Variants in SLC10A7 observed in about 807,000 individuals in gnomAD.
SLC10A7 encodes the protein sodium/bile acid cotransporter 7.
Under a neutral mutation model 43.2 loss-of-function variants are expected in SLC10A7, and 29 were observed. That is an observed-to-expected ratio of 0.67 (90% CI 0.50 to 0.92). The LOEUF is 0.92. SLC10A7 is among the 40% of genes least tolerant of loss of function. SLC10A7 has a pLI of 0.00. For missense variants in SLC10A7, 295 were observed against 403.2 expected (o/e 0.73, Z 2.30); for synonymous variants, 152 against 144.8 (o/e 1.05, Z -0.35).
At chr4:146,372,138 T>C (rs182274239) in intron 5 of SLC10A7, among the ~76,000 whole-genome samples, 11 of 152,280 alleles carry the variant, frequency 7.2e-5, no homozygotes, top group African/African-American at 2.6e-4. Flanking sequence ...AAGGCAGAGC[T>C]GAGAAAACTG....
intron 5 of SLC10A7, among the ~76,000 whole-genome samples, chr4:146,358,072 A>AC (rs748417178): frequency 7.0e-6 from 1 of 142,120 alleles, no homozygotes; most frequent in East Asian, 2.0e-4. Context: ...AAGCACCCCC[A>AC]CAAAAAAAAA....
At chr4:146,515,242 G>A in intron 2 of SLC10A7, 1 of 690,192 alleles carries the variant, frequency 1.4e-6, no homozygotes, top group Admixed American at 2.1e-5. Context: ...GGGACATAGA[G>A]CAACGCCCCA....
At chr4:146,383,940 C>G (rs1737812795) in intron 5 of SLC10A7, among the ~76,000 whole-genome samples, 1 of 152,042 alleles carries the variant, frequency 6.6e-6, no homozygotes, top group Admixed American at 6.6e-5. Flanking sequence ...TCAAAGAAAC[C>G]AGGATTCCAA....
intron 5 of SLC10A7, among the ~76,000 whole-genome samples, chr4:146,417,855 G>A (rs892022452): frequency 6.6e-6 from 1 of 152,112 alleles, no homozygotes; most frequent in Non-Finnish European, 1.5e-5. Flanking sequence ...AAACATTGGT[G>A]ATTTAACCTC....
Position 146,325,093 on chromosome 4 carries a change from A to C in SLC10A7, c.471+868T>G, listed in dbSNP as rs577474023. 4.6e-5 allele frequency among the ~76,000 whole-genome samples: 7 copies of C among 152,318 alleles called. No homozygotes were observed. In the East Asian group the frequency reaches 1.3e-3, roughly 29 times the overall value. The stretch of plus-strand genomic sequence containing the variant: ...AACTTGGGTAATTATACTACAATTA[A>C]ATAAATTTTCCCCATAGTTTTAATT... On this transcript the variant is annotated intron_variant, in intron 6 of 11. Transcript: ENST00000335472.
intron 5 of SLC10A7, among the ~76,000 whole-genome samples, chr4:146,430,363 G>A (rs1729687534): frequency 6.6e-6 from 1 of 152,110 alleles, no homozygotes; most frequent in African/African-American, 2.4e-5. Context: ...ACATTGTGTG[G>A]ATGACAATGA....
chr4:146,358,784 G>C (rs1735838368), intron 5 of SLC10A7, among the ~76,000 whole-genome samples: 1 of 150,790 alleles, frequency 6.6e-6, no homozygotes, highest in Admixed American at 6.6e-5. Flanking sequence ...ATGGACATTT[G>C]AATTTTTTTT....
At position 146,348,059 on chromosome 4, in the gene SLC10A7, A is replaced by T. The variant is rs1734748496; in HGVS notation, c.436-22063T>A. Among the ~76,000 whole-genome samples, 2 of 152,236 alleles carry T rather than the reference A, an allele frequency of 1.3e-5. 1 individual carries two copies. Among genetic ancestry groups the T allele is most frequent in the South Asian group, 4.1e-4 (2 of 4,828 alleles). The stretch of plus-strand genomic sequence containing the variant: ...ACCACACACTTTAGAATACAAATTC[A>T]TTTCTTATATATTCCAGGAAAAATA... On this transcript the variant is annotated intron_variant, in intron 5 of 11. Transcript: ENST00000335472.
chr4:146,304,632 T>C (rs1054796747), intron 7 of SLC10A7, among the ~76,000 whole-genome samples: 1 of 152,242 alleles, frequency 6.6e-6, no homozygotes, highest in African/African-American at 2.4e-5. Flanking sequence ...TTATAATTTC[T>C]GCTCTTTCAC....
chr4:146,497,744 C>A (rs1736020345), intron 4 of SLC10A7, among the ~76,000 whole-genome samples: 1 of 152,158 alleles, frequency 6.6e-6, no homozygotes, highest in African/African-American at 2.4e-5. Flanking sequence ...ATGAAAACCA[C>A]ATAACTCCCT....
intron 6 of SLC10A7, among the ~76,000 whole-genome samples, chr4:146,313,140 C>T (rs1467232303): frequency 6.6e-6 from 1 of 152,198 alleles, no homozygotes; most frequent in Non-Finnish European, 1.5e-5. Flanking sequence ...GAACCAGTGT[C>T]TTTCCAACTC....
chr4:146,322,031 T>C (rs1346688720), intron 6 of SLC10A7, among the ~76,000 whole-genome samples: 1 of 152,148 alleles, frequency 6.6e-6, no homozygotes, highest in Non-Finnish European at 1.5e-5. Flanking sequence ...AACTTTTACA[T>C]TGAGGGTCTT....
intron 4 of SLC10A7, among the ~76,000 whole-genome samples, chr4:146,482,326 A>C (rs1734549477): frequency 6.6e-6 from 1 of 152,220 alleles, no homozygotes; most frequent in African/African-American, 2.4e-5. Flanking sequence ...ATCTTAAGGA[A>C]ACTCAGCAAG....
intron 4 of SLC10A7, among the ~76,000 whole-genome samples, chr4:146,459,662 C>G (rs1220917779): frequency 6.7e-6 from 1 of 150,244 alleles, no homozygotes; most frequent in African/African-American, 2.4e-5. Flanking sequence ...ACTACACACA[C>G]AAAGCAACTT....
At chr4:146,463,008 T>C (rs1732677104) in intron 4 of SLC10A7, among the ~76,000 whole-genome samples, 2 of 152,192 alleles carry the variant, frequency 1.3e-5, no homozygotes, top group Admixed American at 1.3e-4. Flanking sequence ...CAGATCCTTC[T>C]ACAGGCACCA....
At chr4:146,500,248 G>A (rs1324726370) in intron 4 of SLC10A7, among the ~76,000 whole-genome samples, 1 of 152,060 alleles carries the variant, frequency 6.6e-6, no homozygotes, top group Non-Finnish European at 1.5e-5. Context: ...GCATGTCTAC[G>A]CATCTCAGCT....
At chr4:146,472,560 C>T (rs1001755923) in intron 4 of SLC10A7, among the ~76,000 whole-genome samples, 6 of 151,768 alleles carry the variant, frequency 4.0e-5, no homozygotes, top group South Asian at 2.1e-4. Context: ...AAGAGGGCAG[C>T]GGGCTCATGC....
At chr4:146,468,500 C>A (rs545041977) in intron 4 of SLC10A7, among the ~76,000 whole-genome samples, 1 of 143,058 alleles carries the variant, frequency 7.0e-6, no homozygotes, top group Non-Finnish European at 1.5e-5. Context: ...GATGGAGTCT[C>A]GCTCTGTTGC....
At chr4:146,410,552 T>C (rs1728115786) in intron 5 of SLC10A7, among the ~76,000 whole-genome samples, 1 of 152,264 alleles carries the variant, frequency 6.6e-6, no homozygotes, top group South Asian at 2.1e-4. Context: ...ATTATTATTA[T>C]CCTCATTTTA....
Sources: gnomAD v4.1 joint callset for allele counts (sites outside exome capture counted in the v4.1 genomes callset) on GRCh38, gnomAD v4.1.1 for gene constraint, MANE v1.5 for transcripts, NCBI Gene and HGNC (gene_info 2026-07-23, HGNC 2026-07-21) for gene names.